The following ZC3H3 variants were observed in gnomAD, a reference collection of about 807,000 sequenced individuals.
ZC3H3 encodes the protein zinc finger CCCH domain-containing protein 3.
In ZC3H3, 36 loss-of-function variants were observed where a neutral mutation model predicts 77.3. The ratio of observed to expected loss-of-function variants is 0.47; its 90% CI spans 0.36 to 0.61. The LOEUF (loss-of-function observed/expected upper bound fraction) is 0.61, where lower values mean the gene tolerates loss of function less well. ZC3H3 is among the 20% of genes least tolerant of loss of function. The pLI is 0.00. For missense variants in ZC3H3, 1,331 were observed against 1,312.2 expected (o/e 1.01, Z -0.22); for synonymous variants, 626 against 555.2 (o/e 1.13, Z -1.79).
chr8:143,476,374 C>T (rs1249864245), intron 4 of ZC3H3, among the ~76,000 whole-genome samples: 1 of 152,202 alleles, frequency 6.6e-6, no homozygotes, highest in African/African-American at 2.4e-5. Flanking sequence ...GCTGATGACC[C>T]TGGCTAGAGG....
intron 4 of ZC3H3, among the ~76,000 whole-genome samples, chr8:143,496,615 A>G (rs979544157): frequency 6.6e-6 from 1 of 152,246 alleles, no homozygotes; most frequent in Non-Finnish European, 1.5e-5. Flanking sequence ...GCCACCACTC[A>G]CAGCATGGAA....
In ZC3H3 at chr8:143,538,731, G is replaced by T. The variant is rs1486472689; in HGVS notation, c.636C>A (p.Pro212=). ...VKSVGSVGDS[P]REPRRTVSES... ...CACTGACTGTCCGGCGGGGCTCCCGGGGGCTGTCGCCCACACTGCCCACTG... is the reference window on the plus strand; with the variant it reads ...CACTGACTGTCCGGCGGGGCTCCCGTGGGCTGTCGCCCACACTGCCCACTG... Residue 212 remains proline (P), a synonymous_variant, in exon 2 of 12, where the codon CCC becomes CCA. Transcript: ENST00000262577. 3.7e-6 allele frequency: 6 copies of T among 1,609,906 alleles called. No homozygotes were observed. Among genetic ancestry groups the T allele is most frequent in the Non-Finnish European group, 5.1e-6 (6 of 1,179,868 alleles).
At chr8:143,439,106 T>TAAA (rs568475106) in intron 11 of ZC3H3, among the ~76,000 whole-genome samples, 3,172 of 142,220 alleles carry the variant, frequency 0.022, 97 homozygotes, top group African/African-American at 0.073. Context: ...TTCCTGATCT[T>TAAA]AAAAAAAAAA....
chr8:143,505,679 C>T (rs118013367), intron 4 of ZC3H3, among the ~76,000 whole-genome samples: 1,890 of 152,320 alleles, frequency 0.012, 24 homozygotes, highest in Middle Eastern at 0.034. Flanking sequence ...AGGAGGGCCC[C>T]TCACACACCC....
At chr8:143,520,158 G>T (rs1427314998) in intron 3 of ZC3H3, among the ~76,000 whole-genome samples, 2 of 152,200 alleles carry the variant, frequency 1.3e-5, no homozygotes, top group Non-Finnish European at 2.9e-5. Context: ...TGGATGCATG[G>T]CCAGCATCAT....
intron 3 of ZC3H3, among the ~76,000 whole-genome samples, chr8:143,535,061 T>C (rs1195801245): frequency 6.6e-6 from 1 of 151,914 alleles, no homozygotes; most frequent in Non-Finnish European, 1.5e-5. Flanking sequence ...TCTTTTTTTT[T>C]TGAGACAGAG....
At chr8:143,439,226 C>T (rs1210185701) in intron 11 of ZC3H3, among the ~76,000 whole-genome samples, 3 of 152,136 alleles carry the variant, frequency 2.0e-5, no homozygotes, top group Admixed American at 6.5e-5. Flanking sequence ...GGTCTGGCCA[C>T]GGCTCCACGC....
At chr8:143,485,068 T>C (rs1586912954) in intron 4 of ZC3H3, 1 of 263,604 alleles carries the variant, frequency 3.8e-6, no homozygotes, top group African/African-American at 2.3e-5. Context: ...CAAACACCAG[T>C]TGGAACATAC....
chr8:143,508,533 G>A (rs1186005326), intron 3 of ZC3H3, among the ~76,000 whole-genome samples: 2 of 152,194 alleles, frequency 1.3e-5, no homozygotes, highest in African/African-American at 2.4e-5. Flanking sequence ...TCTTTTGCCC[G>A]AGTTCCCTTC....
chr8:143,503,273 T>C (rs909128632), intron 4 of ZC3H3, among the ~76,000 whole-genome samples: 1 of 152,146 alleles, frequency 6.6e-6, no homozygotes, highest in Non-Finnish European at 1.5e-5. Context: ...GCCCTTGGCA[T>C]ACAGGCACTG....
Position 143,440,217 on chromosome 8 carries a change from G to A in ZC3H3, c.2639C>T (p.Ser880Leu), listed in dbSNP as rs2272754. The A allele has an allele frequency of 5.5e-5, 74 of 1,333,516 alleles. No individual in the cohort carries two copies. The African/African-American group carries it at 9.7e-4, about 17-fold the overall frequency. 82.6% of individuals were successfully genotyped at this position (1,333,516 alleles called of 1,614,324 possible). A position where few individuals can be genotyped will look rare whatever the true frequency, so the allele number is the denominator to read the frequency against. The change falls in exon 11 of 12, where the codon TCA (serine) becomes TTA (leucine). Residue 880 changes from serine (S) to leucine (L), a missense_variant. Ser to Leu is a moderately radical substitution (Grantham distance 145, BLOSUM62 -2). This residue lies in a region of ZC3H3 where 249 missense variants were observed against 236.9 expected (regional missense o/e 1.05). Transcript: ENST00000262577. ...SKASSSSSSS[S>L]SPPASLDHEA... ...GTGGTCCAAGGAAGCGGGAGGGGAT[G>A]AGGAGGAGGAGGAGGAGGAGGAAGC...
chr8:143,441,071 G>C lies in ZC3H3; in HGVS notation c.2357C>G (p.Ala786Gly), dbSNP rs754359844. The change falls in exon 10 of 12, where the codon GCG becomes GGG. Residue 786 changes from alanine to glycine, a missense_variant. Ala to Gly is a moderately conservative substitution (Grantham distance 60). Around this residue, in one of 3 missense-constraint regions of ZC3H3, gnomAD observed 249 missense variants for 236.9 expected, o/e 1.05. Transcript: ENST00000262577. ...LLCPDFARRG[A>G]CPRGAQCQLL... The stretch of plus-strand genomic sequence containing the variant: ...CTGGCACTGGGCGCCGCGGGGACAC[G>C]CCCCCCTGCGGGCAAAGTCGGGGCA... The C allele has an allele frequency of 1.2e-5, 17 of 1,470,334 alleles. No individual in the cohort carries two copies. The highest frequency in any genetic ancestry group is 1.8e-4 in the Middle Eastern group (1 of 5,700). 91.1% of individuals were successfully genotyped at this position (1,470,334 alleles called of 1,614,324 possible).
chr8:143,498,049 G>A (rs1009606852), intron 4 of ZC3H3, among the ~76,000 whole-genome samples: 6 of 152,234 alleles, frequency 3.9e-5, no homozygotes, highest in Admixed American at 6.5e-5. Flanking sequence ...AACACACACC[G>A]GGTGAGCGAA....
intron 3 of ZC3H3, among the ~76,000 whole-genome samples, chr8:143,525,691 C>T (rs1822390430): frequency 6.6e-6 from 1 of 152,252 alleles, no homozygotes; most frequent in Non-Finnish European, 1.5e-5. Flanking sequence ...CCTGCTATGC[C>T]TTCCCATGCA....
intron 9 of ZC3H3, among the ~76,000 whole-genome samples, chr8:143,463,522 G>A (rs1483981618): frequency 2.0e-5 from 3 of 152,206 alleles, no homozygotes; most frequent in East Asian, 1.9e-4. Flanking sequence ...AAACTCTTCC[G>A]TTCAAGGACG....
At chr8:143,518,248 C>A (rs1822124561) in intron 3 of ZC3H3, among the ~76,000 whole-genome samples, 1 of 152,208 alleles carries the variant, frequency 6.6e-6, no homozygotes, top group Non-Finnish European at 1.5e-5. Context: ...CCAGGGAGCC[C>A]GAGGCCCTTC....
In ZC3H3 at chr8:143,491,933, G is replaced by A. The variant is rs9969659; in HGVS notation, c.1715+15813C>T. ...CTTTGCTAGGAAGCCCTCAGCCACCGTGTTTCTAGCAGCCCACCCCACAGG... is the reference window on the plus strand; with the variant it reads ...CTTTGCTAGGAAGCCCTCAGCCACCATGTTTCTAGCAGCCCACCCCACAGG... On this transcript the variant is annotated intron_variant, in intron 4 of 11. Coordinates refer to ENST00000262577, the MANE Select transcript of ZC3H3 (RefSeq NM_015117.3). 9.8e-3 allele frequency among the ~76,000 whole-genome samples: 1,496 copies of A among 152,302 alleles called. 21 individuals carry two copies. Among genetic ancestry groups the A allele is most frequent in the African/African-American group, 0.034 (1,412 of 41,558 alleles).
At chr8:143,535,224 AG>A in intron 3 of ZC3H3, among the ~76,000 whole-genome samples, 1 of 152,208 alleles carries the variant, frequency 6.6e-6, no homozygotes, top group Non-Finnish European at 1.5e-5. Context: ...TTTTTGGTAA[AG>A]ATGGGGTTTT....
chr8:143,443,912 G>A (rs1819806837), intron 9 of ZC3H3, among the ~76,000 whole-genome samples: 1 of 151,496 alleles, frequency 6.6e-6, no homozygotes, highest in Admixed American at 6.6e-5. Flanking sequence ...TGAAGAAATT[G>A]GAATCAGCAG....
Sources: gnomAD v4.1 joint callset for allele counts (sites outside exome capture counted in the v4.1 genomes callset) on GRCh38, gnomAD v4.1.1 for gene constraint, gnomAD v4.1.1 regional missense constraint, MANE v1.5 for transcripts, NCBI Gene and HGNC (gene_info 2026-07-23, HGNC 2026-07-21) for gene names.